ZCCHC4: variants seen among roughly 807,000 people sequenced by gnomAD.
ZCCHC4 encodes the protein rRNA N(6)-adenosine-methyltransferase ZCCHC4.
ZCCHC4 carries 54 observed loss-of-function variants against 67.7 expected under a neutral mutation model. That is an observed-to-expected ratio of 0.80 (90% CI 0.64 to 1.00). The LOEUF is 1.00. ZCCHC4 is among the 50% of genes least tolerant of loss of function. The pLI is 0.00. For synonymous variants in ZCCHC4, 198 were observed against 213.5 expected (o/e 0.93, Z 0.63); for missense variants, 609 against 617.0 (o/e 0.99, Z 0.14).
intron 3 of ZCCHC4, among the ~76,000 whole-genome samples, chr4:25,321,114 C>T (rs184976047): frequency 2.0e-5 from 3 of 152,254 alleles, no homozygotes; most frequent in Admixed American, 2.0e-4. Flanking sequence ...CTCTAAAGGC[C>T]TTAATTATTG....
At chr4:25,345,686 TTTG>T in intron 6 of ZCCHC4, 66 bp downstream of exon 6, 1 of 1,053,312 alleles carries the variant, frequency 9.5e-7, no homozygotes, top group Non-Finnish European at 1.4e-6. Context: ...GAGTGCCTCC[TTTG>T]TTCTTTTTCT....
At chr4:25,353,592 A>T (rs1022625348) in intron 8 of ZCCHC4, among the ~76,000 whole-genome samples, 3 of 152,216 alleles carry the variant, frequency 2.0e-5, no homozygotes, top group Middle Eastern at 3.2e-3. Flanking sequence ...ATCTAGTGCA[A>T]TGTTTGGCAC....
At chr4:25,347,397 G>C (rs996686803) in intron 6 of ZCCHC4, among the ~76,000 whole-genome samples, 3 of 152,130 alleles carry the variant, frequency 2.0e-5, no homozygotes, top group Non-Finnish European at 4.4e-5. Context: ...CTACAATAAT[G>C]GTTGGAATAA....
intron 6 of ZCCHC4, among the ~76,000 whole-genome samples, chr4:25,348,335 A>G (rs1421300000): frequency 6.6e-6 from 1 of 152,216 alleles, no homozygotes; most frequent in Admixed American, 6.5e-5. Flanking sequence ...TAAAATACAT[A>G]TAGGCTTGTT....
At chr4:25,327,854 T>C (rs1431356976) in intron 3 of ZCCHC4, among the ~76,000 whole-genome samples, 1 of 152,106 alleles carries the variant, frequency 6.6e-6, no homozygotes, top group East Asian at 1.9e-4. Flanking sequence ...TGAAATTATC[T>C]TTTTTTCAAA....
intron 3 of ZCCHC4, among the ~76,000 whole-genome samples, chr4:25,325,241 C>CAAA (rs11318046): frequency 4.0e-5 from 3 of 74,734 alleles, no homozygotes; most frequent in East Asian, 5.0e-4. Flanking sequence ...GACTCCGTCT[C>CAAA]AAAAAAAAAA....
intron 3 of ZCCHC4, among the ~76,000 whole-genome samples, chr4:25,321,140 C>T (rs1718559934): frequency 6.6e-6 from 1 of 152,118 alleles, no homozygotes; most frequent in Admixed American, 6.5e-5. Context: ...ATTCTTTCAA[C>T]CAGGTATATT....
intron 3 of ZCCHC4, 142 bp from the exon 4 acceptor site, chr4:25,333,041 C>G: frequency 1.3e-6 from 1 of 791,966 alleles, no homozygotes; most frequent in Non-Finnish European, 1.9e-6. Context: ...CAACATTCCA[C>G]AGATTTCTTC....
intron 9 of ZCCHC4, 56 bp downstream of exon 9, chr4:25,362,036 T>C: frequency 6.4e-7 from 1 of 1,571,132 alleles, no homozygotes; most frequent in Non-Finnish European, 8.7e-7. Context: ...AAGTTACATA[T>C]ATCCATCAGT....
chr4:25,347,583 CAG>C (rs1720083782), intron 6 of ZCCHC4, among the ~76,000 whole-genome samples: 1 of 152,296 alleles, frequency 6.6e-6, no homozygotes, highest in South Asian at 2.1e-4. Context: ...TACCTACTCC[CAG>C]AGTCAAGTTT....
At chr4:25,333,659 A>G (rs1230616659) in intron 4 of ZCCHC4, among the ~76,000 whole-genome samples, 2 of 152,238 alleles carry the variant, frequency 1.3e-5, no homozygotes, top group Non-Finnish European at 2.9e-5. Context: ...TTTCTGATGC[A>G]TGAGAGAAGA....
At chr4:25,315,182 G>C (rs1461711522) in intron 2 of ZCCHC4, 136 bp from the exon 3 acceptor site, 1 of 717,656 alleles carries the variant, frequency 1.4e-6, no homozygotes, top group Admixed American at 3.2e-5. Context: ...AGTTTTCGCT[G>C]TTTTGTTTTC....
chr4:25,357,347 A>G (rs1358413254), intron 8 of ZCCHC4, among the ~76,000 whole-genome samples: 3 of 152,342 alleles, frequency 2.0e-5, no homozygotes, highest in South Asian at 4.1e-4. Flanking sequence ...CAGGGCTTCA[A>G]ATGTGATCTA....
Position 25,370,033 on chromosome 4 carries a change from A to G in ZCCHC4, c.*869A>G, listed in dbSNP as rs914594182. 1.3e-5 allele frequency: 2 copies of G among 152,180 alleles called. No individual in the cohort carries two copies. The highest frequency in any genetic ancestry group is 4.1e-4 in the South Asian group (2 of 4,822). The allele number at this position is 152,180 out of a possible 1,614,324, so 9.4% of individuals were successfully genotyped here. A position where few individuals can be genotyped will look rare whatever the true frequency, so the allele number is the denominator to read the frequency against. ...ATAATTACATTATTATTAAATATTT[A>G]TTCTTCAAGTACTTTTTGCAGTTGT... On this transcript the variant is annotated 3_prime_UTR_variant, in exon 13 of 13. Transcript: ENST00000302874.
chr4:25,346,108 A>T (rs1024348777), intron 6 of ZCCHC4, among the ~76,000 whole-genome samples: 1 of 152,164 alleles, frequency 6.6e-6, no homozygotes, highest in African/African-American at 2.4e-5. Flanking sequence ...CAAAGGGTCA[A>T]GTTTTCCTTT....
intron 4 of ZCCHC4, 122 bp downstream of exon 4, chr4:25,333,580 T>C: frequency 9.2e-7 from 1 of 1,085,346 alleles, no homozygotes; most frequent in Admixed American, 2.4e-5. Context: ...ATTTAAAATG[T>C]AAAGCACAGT....
At position 25,333,255 on chromosome 4, in the gene ZCCHC4, A is replaced by G; in HGVS notation, c.402A>G (p.Pro134=). ...AAACATGTCAGCAGTTGTTGTTACC[A>G]GATGACTGGGGGCAACATAGTGAGC... ...FCQTCQQLLL[P]DDWGQHSEHQ... The change falls in exon 4 of 13, where the codon CCA becomes CCG. Residue 134 remains proline, a synonymous_variant. Coordinates refer to ENST00000302874, the MANE Select transcript of ZCCHC4 (RefSeq NM_024936.3). 1 of 1,614,214 alleles carries G rather than the reference A, an allele frequency of 6.2e-7. No individual in the cohort carries two copies.
At chr4:25,317,685 A>G (rs1353304925) in intron 3 of ZCCHC4, among the ~76,000 whole-genome samples, 2 of 126,950 alleles carry the variant, frequency 1.6e-5, no homozygotes, top group African/African-American at 5.9e-5. Context: ...AGCCCAGGTG[A>G]CAGAGTGAGA....
intron 8 of ZCCHC4, among the ~76,000 whole-genome samples, chr4:25,358,077 G>A (rs1190829393): frequency 1.3e-5 from 2 of 152,234 alleles, no homozygotes. Context: ...TGGAGGAGGA[G>A]ACTGAAGTAA....
Sources: gnomAD v4.1 joint callset for allele counts (sites outside exome capture counted in the v4.1 genomes callset) on GRCh38, gnomAD v4.1.1 for gene constraint, MANE v1.5 for transcripts, NCBI Gene and HGNC (gene_info 2026-07-23, HGNC 2026-07-21) for gene names.